Variants in CDHR2 observed in about 807,000 individuals in gnomAD.
CDHR2 encodes cadherin-related family member 2.
Under a neutral mutation model 138.6 loss-of-function variants are expected in CDHR2, and 104 were observed. The observed-to-expected ratio is 0.75, with a 90% CI of 0.64 to 0.88. The LOEUF is 0.88. Among genes scored for constraint, CDHR2 ranks in the 40% least tolerant of loss-of-function variants. The pLI, the probability that CDHR2 is intolerant of heterozygous loss-of-function variation, is 0.00. For missense variants in CDHR2, 1,624 were observed against 1,727.6 expected, an observed-to-expected ratio of 0.94 and a Z score of 1.06; for synonymous variants, 755 against 742.8, an observed-to-expected ratio of 1.02 and a Z score of -0.27.
At chr5:176,595,422 C>CT in intron 31 of CDHR2, 110 bp from the exon 32 acceptor site, 2 of 1,296,460 alleles carry the variant, frequency 1.5e-6, no homozygotes, top group Non-Finnish European at 2.1e-6. Flanking sequence ...GGTGGGACCC[C>CT]TGCCAAGGAA....
chr5:176,571,485 C>A (rs1758228475), intron 6 of CDHR2, among the ~76,000 whole-genome samples, 183 bp downstream of exon 6: 1 of 150,498 alleles, frequency 6.6e-6, no homozygotes, highest in African/African-American at 2.5e-5. Flanking sequence ...CAATATTTTG[C>A]AATCAGTCAG....
At chr5:176,579,012 A>C (rs1758468957) in intron 16 of CDHR2, among the ~76,000 whole-genome samples, 1 of 152,266 alleles carries the variant, frequency 6.6e-6, no homozygotes, top group Non-Finnish European at 1.5e-5. Flanking sequence ...CCAGTGCTAC[A>C]GAATTGCTTG....
At chr5:176,569,561 C>T (rs1355967465) in intron 5 of CDHR2, among the ~76,000 whole-genome samples, 1 of 152,126 alleles carries the variant, frequency 6.6e-6, no homozygotes, top group African/African-American at 2.4e-5. Context: ...GGATTACAGG[C>T]GTGAGCCACC....
rs1298719504 is a variant in CDHR2, at chr5:176,589,957, A to G, written c.3207-121A>G. 7.5e-6 allele frequency: 6 copies of G among 802,358 alleles called. No individual in the cohort carries two copies. In the East Asian group the frequency reaches 1.5e-4, roughly 20 times the overall value. 49.7% of individuals were successfully genotyped at this position (802,358 alleles called of 1,614,324 possible). ...CACAGAGATGCTACCTACTCAGCCA[A>G]CAGAGCTGTCCAGAGGAGGTGCCCT... is the stretch of plus-strand genomic sequence containing the variant. On this transcript the variant is annotated intron_variant, in intron 24 of 31. Transcript: ENST00000261944.
intron 3 of CDHR2, chr5:176,567,067 C>T: frequency 2.2e-6 from 1 of 455,192 alleles, no homozygotes; most frequent in Non-Finnish European, 4.4e-6. Context: ...TTCCATCACC[C>T]CAGAAAGTTC....
At chr5:176,544,022 C>T (rs970883061) in intron 1 of CDHR2, among the ~76,000 whole-genome samples, 9 of 152,376 alleles carry the variant, frequency 5.9e-5, no homozygotes, top group South Asian at 4.1e-4. Flanking sequence ...CGCATTAGGC[C>T]AGCGAAGGCT....
chr5:176,563,726 G>C (rs1204598416), intron 1 of CDHR2, among the ~76,000 whole-genome samples: 1 of 152,180 alleles, frequency 6.6e-6, no homozygotes, highest in Non-Finnish European at 1.5e-5. Flanking sequence ...TCCCGCCATG[G>C]CTGGAAACTA....
rs550692614 is a variant in CDHR2 at position 176,556,432 on chromosome 5, C to T, written c.-16+7018C>T. Among the ~76,000 whole-genome samples, 7 of 152,228 alleles carry T rather than the reference C, an allele frequency of 4.6e-5. No homozygotes were observed. In the South Asian group the frequency reaches 6.2e-4, roughly 14 times the overall value. On this transcript the variant is annotated intron_variant, in intron 1 of 31. Transcript: ENST00000261944. ...CTGTAATCCCAGCACTTTGGGAGGC[C>T]GAGGCGGGCGGATCACAAGGTCAGG...
At chr5:176,570,297 A>C (rs1369105268) in intron 5 of CDHR2, among the ~76,000 whole-genome samples, 1 of 152,224 alleles carries the variant, frequency 6.6e-6, no homozygotes, top group Non-Finnish European at 1.5e-5. Flanking sequence ...TACTATGGCA[A>C]ACAAAGCGAA....
intron 30 of CDHR2, among the ~76,000 whole-genome samples, chr5:176,592,405 GTGT>G (rs1263718991): frequency 2.0e-5 from 3 of 148,032 alleles, no homozygotes; most frequent in African/African-American, 7.5e-5. Context: ...GGTGGTGGTG[GTGT>G]TGGTGTTGAG....
At chr5:176,577,832 C>T in intron 14 of CDHR2, 34 bp downstream of exon 14, 1 of 1,609,508 alleles carries the variant, frequency 6.2e-7, no homozygotes, top group Non-Finnish European at 8.5e-7. Flanking sequence ...GCTGTGGGGT[C>T]CCAGCAAGCG....
chr5:176,593,004 A>G (rs897895403), intron 31 of CDHR2, among the ~76,000 whole-genome samples: 1 of 152,060 alleles, frequency 6.6e-6, no homozygotes, highest in Non-Finnish European at 1.5e-5. Flanking sequence ...CAGTTTTTTC[A>G]CCTGTAAATG....
chr5:176,593,435 C>T (rs1043166157), intron 31 of CDHR2, among the ~76,000 whole-genome samples: 4 of 152,052 alleles, frequency 2.6e-5, no homozygotes, highest in Admixed American at 6.5e-5. Context: ...GTAAAAGCCG[C>T]TCAGGGGGTG....
At position 176,584,652 on chromosome 5, in the gene CDHR2, ATAG is replaced by A; in HGVS notation, c.2375_2377del (p.Val792del). 6.2e-7 allele frequency: 1 copy of A among 1,613,816 alleles called. No homozygotes were observed. Among genetic ancestry groups the A allele is most frequent in the Non-Finnish European group, 8.5e-7 (1 of 1,179,812 alleles). ...CCCAGACCCCCAGGGGGGTGAGACC[ATAG>A]TAGACGTCTGCGTGAATGTGAAAGA... On this transcript the variant is annotated inframe_deletion, in exon 19 of 32. Transcript: ENST00000261944.
chr5:176,582,246 C>T (rs1270560766), intron 17 of CDHR2, among the ~76,000 whole-genome samples: 1 of 152,146 alleles, frequency 6.6e-6, no homozygotes, highest in Non-Finnish European at 1.5e-5. Context: ...TCTTGAACTC[C>T]CGAGCTCAAG....
intron 1 of CDHR2, chr5:176,556,877 C>T (rs1161344704): frequency 6.6e-6 from 1 of 152,126 alleles, no homozygotes; most frequent in Non-Finnish European, 1.5e-5. Flanking sequence ...TGACCCACAC[C>T]CCACATCCCC....
At chr5:176,545,272 C>T (rs557864509), upstream of CDHR2, among the ~76,000 whole-genome samples, 1 of 151,996 alleles carries the variant, frequency 6.6e-6, no homozygotes, top group Non-Finnish European at 1.5e-5. Flanking sequence ...TACAGGTGCA[C>T]GCCACCACGC....
At chr5:176,588,219 A>C (rs1359603505) in intron 21 of CDHR2, among the ~76,000 whole-genome samples, 1 of 151,494 alleles carries the variant, frequency 6.6e-6, no homozygotes, top group Non-Finnish European at 1.5e-5. Flanking sequence ...TGTGTGTCTA[A>C]GTGTGAATGT....
intron 5 of CDHR2, 86 bp from the exon 6 acceptor site, chr5:176,571,127 G>T (rs1758218869): frequency 6.4e-6 from 5 of 776,808 alleles, no homozygotes; most frequent in Non-Finnish European, 8.8e-6. Flanking sequence ...CTGGATGAAG[G>T]ACACCAGCTC....
Sources: gnomAD v4.1 joint callset for allele counts (sites outside exome capture counted in the v4.1 genomes callset) on GRCh38, gnomAD v4.1.1 for gene constraint, MANE v1.5 for transcripts, NCBI Gene and HGNC (gene_info 2026-07-23, HGNC 2026-07-21) for gene names.